The following P2RY6 variants were observed in gnomAD, a reference collection of about 807,000 sequenced individuals.
P2RY6 encodes P2Y purinoceptor 6.
A neutral mutation model predicts 16.3 loss-of-function variants in P2RY6; 19 were observed. The observed-to-expected ratio is 1.16, with a 90% CI of 0.81 to 1.71. P2RY6 has a LOEUF of 1.71. Among genes scored for constraint, P2RY6 ranks in the 40% most tolerant of loss-of-function variants. The pLI, the probability that P2RY6 is intolerant of heterozygous loss-of-function variation, is 0.00. For missense variants in P2RY6, 389 were observed against 455.5 expected (o/e 0.85, Z 1.33); for synonymous variants, 184 against 201.5 (o/e 0.91, Z 0.74).
chr11:73,297,572 C>A lies in P2RY6; in HGVS notation c.*67C>A. 2.4e-6 allele frequency: 3 copies of A among 1,256,538 alleles called. No individual in the cohort carries two copies. The highest frequency in any genetic ancestry group is 2.0e-5 in the Admixed American group (1 of 49,168). The allele number at this position is 1,256,538 out of a possible 1,614,324, so 77.8% of individuals were successfully genotyped here. On this transcript the variant is annotated 3_prime_UTR_variant, in exon 3 of 3. Transcript: ENST00000540124. Reference sequence around the variant, plus strand: ...CCGGGGCACCAGGAGCCCCACCAACCCCAAACCATGCGGAGAATTAGAGTT... The same window carrying A: ...CCGGGGCACCAGGAGCCCCACCAACACCAAACCATGCGGAGAATTAGAGTT...
intron 1 of P2RY6, among the ~76,000 whole-genome samples, chr11:73,284,185 G>A (rs1863873969): frequency 6.6e-6 from 1 of 152,132 alleles, no homozygotes; most frequent in South Asian, 2.1e-4. Context: ...GCCAAGTGGG[G>A]CAGTGACAGG....
chr11:73,266,528 G>A (rs1323457197), intron 1 of P2RY6, among the ~76,000 whole-genome samples: 1 of 152,204 alleles, frequency 6.6e-6, no homozygotes, highest in African/African-American at 2.4e-5. Context: ...TGTGAGGTCA[G>A]CATTGAGCTG....
chr11:73,292,717 G>A (rs1269063890), intron 1 of P2RY6: 4 of 804,890 alleles, frequency 5.0e-6, no homozygotes, highest in Non-Finnish European at 6.0e-6. Flanking sequence ...TAGGCGTGGT[G>A]TTGGGGATGG....
At chr11:73,292,806 G>A (rs1864313250) in intron 1 of P2RY6, 7 of 985,314 alleles carry the variant, frequency 7.1e-6, no homozygotes, top group African/African-American at 3.5e-5. Context: ...TGCTCACTCT[G>A]TCAGAGAAGT....
At chr11:73,292,004 C>G (rs992031444) in intron 1 of P2RY6, among the ~76,000 whole-genome samples, 5 of 152,374 alleles carry the variant, frequency 3.3e-5, no homozygotes, top group African/African-American at 9.6e-5. Flanking sequence ...TGGAATGCTG[C>G]TTCCCCCTCT....
chr11:73,284,792 C>G (rs1463656409), intron 1 of P2RY6, among the ~76,000 whole-genome samples: 1 of 152,076 alleles, frequency 6.6e-6, no homozygotes, highest in Non-Finnish European at 1.5e-5. Context: ...CTACTATATG[C>G]CAGACACCGT....
In P2RY6 at chr11:73,297,158, C is replaced by T; in HGVS notation, c.640C>T (p.Leu214Phe). 1.2e-6 allele frequency: 2 copies of T among 1,604,816 alleles called. No homozygotes were observed. The highest frequency in any genetic ancestry group is 1.7e-6 in the Non-Finnish European group (2 of 1,179,860). ...PFAALLACYC[L>F]LACRLCRQDG... The stretch of plus-strand genomic sequence containing the variant: ...TGCTGCCCTGCTGGCCTGCTACTGT[C>T]TCCTGGCCTGCCGCCTGTGCCGCCA... Residue 214 changes from leucine (L) to phenylalanine (F), a missense_variant, in exon 3 of 3, where the codon CTC becomes TTC. Leu to Phe is a conservative substitution (Grantham distance 22). Coordinates refer to ENST00000540124, the MANE Select transcript of P2RY6 (RefSeq NM_001277204.2).
chr11:73,282,773 G>A (rs1183118697), intron 1 of P2RY6, among the ~76,000 whole-genome samples: 2 of 152,304 alleles, frequency 1.3e-5, no homozygotes, highest in Middle Eastern at 3.4e-3. Flanking sequence ...ATGGAGGAGG[G>A]AGGGAGGGAG....
intron 1 of P2RY6, chr11:73,292,870 G>GC: frequency 1.0e-6 from 1 of 984,266 alleles, no homozygotes; most frequent in Non-Finnish European, 1.2e-6. Context: ...GCTTCCCTTT[G>GC]CCCCAACACA....
At chr11:73,266,577 C>T (rs546443533) in intron 1 of P2RY6, among the ~76,000 whole-genome samples, 2 of 152,190 alleles carry the variant, frequency 1.3e-5, no homozygotes, top group East Asian at 3.9e-4. Flanking sequence ...GCAGGCTGAG[C>T]CTTGTTTCTG....
At chr11:73,266,512 G>A (rs1863108560) in intron 1 of P2RY6, among the ~76,000 whole-genome samples, 1 of 152,168 alleles carries the variant, frequency 6.6e-6, no homozygotes, top group Non-Finnish European at 1.5e-5. Flanking sequence ...GAGCTGAAAG[G>A]GAGGCTGTGA....
At chr11:73,274,917 A>C (rs1863473474) in intron 1 of P2RY6, among the ~76,000 whole-genome samples, 2 of 152,266 alleles carry the variant, frequency 1.3e-5, no homozygotes, top group African/African-American at 4.8e-5. Flanking sequence ...GGGATCCGGC[A>C]GCCCAGGCTC....
upstream of P2RY6, among the ~76,000 whole-genome samples, chr11:73,270,467 G>A (rs1157046398): frequency 6.6e-6 from 1 of 152,126 alleles, no homozygotes; most frequent in Admixed American, 6.5e-5. Flanking sequence ...GTGCTGGGAG[G>A]CTCACCCCTG....
chr11:73,270,418 C>A (rs1336431632), upstream of P2RY6, among the ~76,000 whole-genome samples: 1 of 152,140 alleles, frequency 6.6e-6, no homozygotes, highest in Non-Finnish European at 1.5e-5. Flanking sequence ...TTACCAGGAG[C>A]TGACGGGGGG....
chr11:73,293,556 G>A (rs1426055027), intron 1 of P2RY6, among the ~76,000 whole-genome samples: 2 of 152,228 alleles, frequency 1.3e-5, no homozygotes, highest in Non-Finnish European at 2.9e-5. Context: ...CTGCCTGGAG[G>A]TGGGAGCCAA....
At chr11:73,294,451 T>TGGAC (rs1864395231) in intron 1 of P2RY6, among the ~76,000 whole-genome samples, 2 of 152,170 alleles carry the variant, frequency 1.3e-5, no homozygotes, top group South Asian at 4.1e-4. Context: ...AAGAGATGAG[T>TGGAC]GGACATTCTC....
intron 1 of P2RY6, among the ~76,000 whole-genome samples, chr11:73,294,520 C>T (rs185243909): frequency 6.6e-6 from 1 of 152,352 alleles, no homozygotes; most frequent in East Asian, 1.9e-4. Context: ...GTTTCTTCCT[C>T]TGGCCTCCCC....
At chr11:73,282,104 C>T (rs1009657658) in intron 1 of P2RY6, among the ~76,000 whole-genome samples, 1 of 152,156 alleles carries the variant, frequency 6.6e-6, no homozygotes, top group Non-Finnish European at 1.5e-5. Context: ...CTTTCCACTA[C>T]TCTGGCTGTC....
chr11:73,290,232 GAA>G (rs1263107980), intron 1 of P2RY6, among the ~76,000 whole-genome samples: 1 of 148,128 alleles, frequency 6.8e-6, no homozygotes, highest in Non-Finnish European at 1.5e-5. Context: ...AAAAAAGAAA[GAA>G]AGAAAGAGAG....
Sources: allele counts gnomAD v4.1 joint callset (sites outside exome capture counted in the v4.1 genomes callset), GRCh38; gene constraint gnomAD v4.1.1; transcripts MANE v1.5; gene names NCBI Gene and HGNC (gene_info 2026-07-23, HGNC 2026-07-21).